Variants in ERICH3 observed in about 807,000 individuals in gnomAD.
ERICH3 encodes glutamate-rich protein 3.
ERICH3 carries 126 observed loss-of-function variants against 131.1 expected under a neutral mutation model. That is an observed-to-expected ratio of 0.96 (90% CI 0.83 to 1.11). The LOEUF is 1.11. Among genes scored for constraint, ERICH3 ranks in the 50% most tolerant of loss-of-function variants. The pLI, the probability that ERICH3 is intolerant of heterozygous loss-of-function variation, is 0.00. For missense variants in ERICH3, 2,050 were observed against 1,810.7 expected, an observed-to-expected ratio of 1.13 and a Z score of -2.40; for synonymous variants, 695 against 644.6, an observed-to-expected ratio of 1.08 and a Z score of -1.18.
chr1:74,614,804 A>G (rs937133309), intron 8 of ERICH3, among the ~76,000 whole-genome samples: 5 of 152,216 alleles, frequency 3.3e-5, no homozygotes, highest in Admixed American at 1.3e-4. Context: ...AGAGAGCTGA[A>G]AAAGGTTAGA....
At chr1:74,655,213 T>C (rs1476291069) in intron 1 of ERICH3, among the ~76,000 whole-genome samples, 1 of 152,194 alleles carries the variant, frequency 6.6e-6, no homozygotes, top group Non-Finnish European at 1.5e-5. Flanking sequence ...GTTAGTTTTA[T>C]TTAACCCAAA....
intron 3 of ERICH3, 39 bp from the exon 4 acceptor site, chr1:74,643,137 A>G (rs1233235372): frequency 1.3e-6 from 2 of 1,511,406 alleles, no homozygotes; most frequent in South Asian, 1.2e-5. Context: ...GAATCATATC[A>G]GTTATAGCAA....
intron 8 of ERICH3, among the ~76,000 whole-genome samples, chr1:74,618,912 T>C (rs1649094649): frequency 6.6e-6 from 1 of 152,226 alleles, no homozygotes; most frequent in South Asian, 2.1e-4. Flanking sequence ...TATTCACATT[T>C]TACTGAATCA....
rs1194971965 is a variant in ERICH3, at chr1:74,670,942, G to C, written c.23+2555C>G. ...AGGTCTATAAACAGCTGCTCTGGGA[G>C]TGTCTGTCTTATGCGGTTGAGATAA... is the stretch of plus-strand genomic sequence containing the variant. On this transcript the variant is annotated intron_variant, in intron 1 of 14. Coordinates refer to ENST00000326665, the MANE Select transcript of ERICH3 (RefSeq NM_001002912.5). 2.0e-5 allele frequency among the ~76,000 whole-genome samples: 3 copies of C among 152,134 alleles called. No homozygotes were observed. In the East Asian group the frequency reaches 5.8e-4, roughly 29 times the overall value.
chr1:74,646,205 C>T (rs1272308870), intron 3 of ERICH3, among the ~76,000 whole-genome samples: 3 of 151,996 alleles, frequency 2.0e-5, no homozygotes, highest in East Asian at 3.9e-4. Flanking sequence ...TACGGCTGAG[C>T]TTCAGAGCCT....
rs1200427863 is a variant in ERICH3 at position 74,568,621 on chromosome 1, A to G, written c.*1837T>C. 7 of 152,210 alleles carry G rather than the reference A, an allele frequency of 4.6e-5. No individual in the cohort carries two copies. The highest frequency in any genetic ancestry group is 4.6e-4 in the Admixed American group (7 of 15,278). The allele number at this position is 152,210 out of a possible 1,614,324, so 9.4% of individuals were successfully genotyped here. A position where few individuals can be genotyped will look rare whatever the true frequency, so the allele number is the denominator to read the frequency against. ...GGAGTAGGGCAGAGGGACTTCGTGC[A>G]TGTATCAATACAATCATAATAAAAA... On this transcript the variant is annotated 3_prime_UTR_variant, in exon 15 of 15. Coordinates refer to ENST00000326665, the MANE Select transcript of ERICH3 (RefSeq NM_001002912.5).
intron 7 of ERICH3, among the ~76,000 whole-genome samples, chr1:74,628,557 G>A (rs1003815881): frequency 1.6e-4 from 24 of 151,890 alleles, no homozygotes; most frequent in African/African-American, 5.8e-4. Flanking sequence ...TATGTTATTG[G>A]TAAGGCTTCC....
intron 1 of ERICH3, among the ~76,000 whole-genome samples, chr1:74,668,975 C>T (rs559356315): frequency 1.6e-4 from 24 of 152,192 alleles, no homozygotes; most frequent in African/African-American, 4.8e-4. Context: ...TTTGCTAACT[C>T]GGGAGGCAAG....
Position 74,631,940 on chromosome 1 carries a change from T to G in ERICH3, c.604-12A>C, listed in dbSNP as rs1412866006. On this transcript the variant is annotated splice_polypyrimidine_tract_variant and intron_variant, in intron 6 of 14. Coordinates refer to ENST00000326665, the MANE Select transcript of ERICH3 (RefSeq NM_001002912.5). ...ACTGCCTTCTTGCCCTGTAATCATA[T>G]TTCATCGCATAAGAACCAGTGAAAC... The G allele has an allele frequency of 6.2e-7, 1 of 1,602,922 alleles. No individual in the cohort carries two copies.
intron 1 of ERICH3, among the ~76,000 whole-genome samples, chr1:74,649,866 C>T (rs1646517695): frequency 6.6e-6 from 1 of 152,076 alleles, no homozygotes; most frequent in African/African-American, 2.4e-5. Flanking sequence ...AGGAAACATT[C>T]TCTGATATGT....
chr1:74,644,038 GC>G (rs1245293947), intron 3 of ERICH3, among the ~76,000 whole-genome samples: 8 of 151,660 alleles, frequency 5.3e-5, no homozygotes, highest in African/African-American at 1.7e-4. Flanking sequence ...TTAAAAATAA[GC>G]CCCATGTAAA....
At chr1:74,649,151 A>T in intron 2 of ERICH3, 71 bp downstream of exon 2, 1 of 1,049,548 alleles carries the variant, frequency 9.5e-7, no homozygotes, top group Non-Finnish European at 1.4e-6. Flanking sequence ...TCAAAGAGAA[A>T]GCCTGAAAAG....
chr1:74,659,595 T>A (rs1278221522), intron 1 of ERICH3, among the ~76,000 whole-genome samples: 1 of 152,180 alleles, frequency 6.6e-6, no homozygotes, highest in Non-Finnish European at 1.5e-5. Flanking sequence ...GCCCTGAAGG[T>A]ACAATCCAAC....
intron 7 of ERICH3, 120 bp downstream of exon 7, chr1:74,631,593 C>G (rs1213721483): frequency 4.7e-5 from 37 of 792,918 alleles, no homozygotes; most frequent in Non-Finnish European, 4.0e-6. Context: ...AATTGTATTT[C>G]TTTACACACA....
At chr1:74,587,900 G>A (rs546722365) in intron 12 of ERICH3, among the ~76,000 whole-genome samples, 1 of 152,296 alleles carries the variant, frequency 6.6e-6, no homozygotes, top group African/African-American at 2.4e-5. Flanking sequence ...TCCTTTTGAA[G>A]ATGTTCAGGG....
chr1:74,644,585 G>T (rs1646465834), intron 3 of ERICH3, among the ~76,000 whole-genome samples: 1 of 151,988 alleles, frequency 6.6e-6, no homozygotes, highest in Middle Eastern at 3.2e-3. Context: ...AACCAGGTGA[G>T]AAAATCTTTC....
intron 11 of ERICH3, among the ~76,000 whole-genome samples, chr1:74,598,913 C>A (rs1647982042): frequency 6.6e-6 from 1 of 151,710 alleles, no homozygotes; most frequent in South Asian, 2.1e-4. Flanking sequence ...ACAGAAATAT[C>A]AGTACACAAA....
At chr1:74,634,213 T>A (rs898615632) in intron 6 of ERICH3, among the ~76,000 whole-genome samples, 10 of 152,146 alleles carry the variant, frequency 6.6e-5, no homozygotes, top group African/African-American at 2.4e-4. Context: ...AAATTACAGA[T>A]AAGACATAAT....
At chr1:74,598,387 C>G (rs1342702372) in intron 11 of ERICH3, among the ~76,000 whole-genome samples, 4 of 151,704 alleles carry the variant, frequency 2.6e-5, no homozygotes, top group Non-Finnish European at 1.5e-5. Flanking sequence ...GGATATGTCC[C>G]TAACCTTTGG....
Sources: gnomAD v4.1 joint callset for allele counts (sites outside exome capture counted in the v4.1 genomes callset) on GRCh38, gnomAD v4.1.1 for gene constraint, MANE v1.5 for transcripts, NCBI Gene and HGNC (gene_info 2026-07-23, HGNC 2026-07-21) for gene names.